ACYP1: variants seen among roughly 807,000 people sequenced by gnomAD.
ACYP1 encodes acylphosphatase 1.
A neutral mutation model predicts 10.4 loss-of-function variants in ACYP1; 8 were observed. The observed-to-expected ratio is 0.77, with a 90% CI of 0.45 to 1.38. ACYP1 has a LOEUF of 1.38. Ranked by LOEUF, ACYP1 falls within the 40% of genes most tolerant of loss-of-function variation. The pLI is 0.00. For missense variants in ACYP1, 93 were observed against 117.3 expected, an observed-to-expected ratio of 0.79 and a Z score of 0.96; for synonymous variants, 38 against 40.8, an observed-to-expected ratio of 0.93 and a Z score of 0.26.
At chr14:75,066,623 T>C (rs1893146366), upstream of ACYP1, among the ~76,000 whole-genome samples, 2 of 152,274 alleles carry the variant, frequency 1.3e-5, no homozygotes, top group African/African-American at 4.8e-5. Flanking sequence ...CCCAGCACTT[T>C]GGGAGGCTAA....
At chr14:75,062,043 G>C (rs1172572045) in intron 2 of ACYP1, among the ~76,000 whole-genome samples, 3 of 146,790 alleles carry the variant, frequency 2.0e-5, no homozygotes, top group African/African-American at 7.7e-5. Context: ...GGACGTTGCG[G>C]TGAGCTGAGA....
chr14:75,063,971 C>T lies in ACYP1; in HGVS notation c.-26G>A. On this transcript the variant is annotated 5_prime_UTR_variant, in exon 1 of 3. In the 5' UTR this introduces an upstream ATG that the reference lacks. Coordinates refer to ENST00000238618, the MANE Select transcript of ACYP1 (RefSeq NM_001107.5). ...CGGCTCACCCTCCTTGTCTTCCCCA[C>T]CGGCTGCCAGGATCACTCCGGGACC... 1 of 997,416 alleles carries T rather than the reference C, an allele frequency of 1.0e-6. No homozygotes were observed. Among genetic ancestry groups the T allele is most frequent in the South Asian group, 4.3e-5 (1 of 23,026 alleles). The allele number at this position is 997,416 out of a possible 1,614,324, so 61.8% of individuals were successfully genotyped here. A position where few individuals can be genotyped will look rare whatever the true frequency, so the allele number is the denominator to read the frequency against.
chr14:75,055,720 T>C (rs1415897917), intron 2 of ACYP1, among the ~76,000 whole-genome samples: 1 of 151,408 alleles, frequency 6.6e-6, no homozygotes, highest in African/African-American at 2.4e-5. Flanking sequence ...CACCTTAGGA[T>C]ACTAGAAAAA....
intron 2 of ACYP1, among the ~76,000 whole-genome samples, chr14:75,062,325 G>C (rs530689768): frequency 6.6e-6 from 1 of 151,472 alleles, no homozygotes; most frequent in Admixed American, 6.6e-5. Context: ...CAGCTACTTG[G>C]GAGGCTGAGG....
rs1406150205 is a variant in ACYP1, at chr14:75,063,993, G to A, written c.-48C>T. 3.0e-5 allele frequency: 30 copies of A among 992,036 alleles called. No individual in the cohort carries two copies. The highest frequency in any genetic ancestry group is 3.2e-5 in the Non-Finnish European group (27 of 833,654). The allele number at this position is 992,036 out of a possible 1,614,324, so 61.5% of individuals were successfully genotyped here. A position where few individuals can be genotyped will look rare whatever the true frequency, so the allele number is the denominator to read the frequency against. ...CCACCGGCTGCCAGGATCACTCCGG[G>A]ACCACCACGCCAACGGCTCACCAAG... On this transcript the variant is annotated 5_prime_UTR_variant, in exon 1 of 3. Transcript: ENST00000238618.
At chr14:75,054,403 C>T (rs1021673675) in intron 2 of ACYP1, among the ~76,000 whole-genome samples, 6 of 151,576 alleles carry the variant, frequency 4.0e-5, no homozygotes, top group Admixed American at 3.3e-4. Context: ...CTAATCATTA[C>T]AGTGTCTTAT....
rs1416392540 is a variant in ACYP1, at chr14:75,064,008, G to A, written c.-63C>T. On this transcript the variant is annotated 5_prime_UTR_variant, in exon 1 of 3. Transcript: ENST00000238618. ...ATCACTCCGGGACCACCACGCCAAC[G>A]GCTCACCAAGGCGCGCAAACCTCCG... The A allele has an allele frequency of 2.0e-6, 2 of 988,832 alleles. No individual in the cohort carries two copies. The highest frequency in any genetic ancestry group is 2.4e-6 in the Non-Finnish European group (2 of 831,872). The allele number at this position is 988,832 out of a possible 1,614,324, so 61.3% of individuals were successfully genotyped here.
chr14:75,069,213 G>C (rs1172957448), exon 1 of ACYP1: 1 of 1,514,940 alleles, frequency 6.6e-7, no homozygotes. Flanking sequence ...GCCATACCTG[G>C]GGCCCGCCCA....
chr14:75,068,450 G>A (rs72736204), upstream of ACYP1, among the ~76,000 whole-genome samples: 7,110 of 152,110 alleles, frequency 0.047, 192 homozygotes, highest in African/African-American at 0.054. Context: ...TCAATGGAAA[G>A]TCGCCCTTCT....
At chr14:75,062,006 T>A (rs920811973) in intron 2 of ACYP1, among the ~76,000 whole-genome samples, 4 of 137,066 alleles carry the variant, frequency 2.9e-5, no homozygotes, top group Admixed American at 2.5e-4. Flanking sequence ...GAAGCTGAAG[T>A]AGGAGAAACG....
chr14:75,053,829 A>G (rs115052318), intron 2 of ACYP1, among the ~76,000 whole-genome samples, 170 bp from the exon 3 acceptor site: 4,167 of 152,346 alleles, frequency 0.027, 218 homozygotes, highest in African/African-American at 0.095. Context: ...TTATCTTCAC[A>G]TGAAGTATTG....
Position 75,053,667 on chromosome 14 carries a change from G to T in ACYP1, c.85-8C>A, listed in dbSNP as rs765691443. 9.9e-6 allele frequency: 16 copies of T among 1,612,282 alleles called. No homozygotes were observed. Among genetic ancestry groups the T allele is most frequent in the Admixed American group, 5.0e-5 (3 of 59,924 alleles). On this transcript the variant is annotated splice_region_variant and splice_polypyrimidine_tract_variant and intron_variant, in intron 2 of 2. Transcript: ENST00000238618. ...CAGCTTTTTACCCTCAGCCTAAGGG[G>T]GGTAAAAAGAGAGAGAGATCCAGTG... is the stretch of plus-strand genomic sequence containing the variant.
chr14:75,061,611 A>T, intron 2 of ACYP1: 2 of 1,082,812 alleles, frequency 1.8e-6, no homozygotes, highest in Non-Finnish European at 2.7e-6. Flanking sequence ...CCACTATCTG[A>T]CCCTTTTCCC....
At chr14:75,060,391 C>T (rs1892987377) in intron 2 of ACYP1, 1 of 532,692 alleles carries the variant, frequency 1.9e-6, no homozygotes, top group Non-Finnish European at 3.3e-6. Context: ...CCAGTGAGAA[C>T]ATAATATGGT....
intron 2 of ACYP1, among the ~76,000 whole-genome samples, chr14:75,057,852 C>G (rs1250192360): frequency 6.8e-6 from 1 of 147,536 alleles, no homozygotes; most frequent in Non-Finnish European, 1.5e-5. Context: ...GTAATCCCAG[C>G]TACTCAGGAG....
At chr14:75,060,724 A>G (rs569297593) in intron 2 of ACYP1, among the ~76,000 whole-genome samples, 1 of 152,304 alleles carries the variant, frequency 6.6e-6, no homozygotes, top group South Asian at 2.1e-4. Context: ...AAGTGAAAGG[A>G]GCCAGTCACA....
chr14:75,061,101 C>A (rs10149491), intron 2 of ACYP1, among the ~76,000 whole-genome samples: 69,176 of 151,566 alleles, frequency 0.46, 16,883 homozygotes, highest in East Asian at 0.84. Context: ...ACAACAACAA[C>A]AATCTAGAAT....
intron 2 of ACYP1, among the ~76,000 whole-genome samples, chr14:75,055,472 T>C (rs1054865321): frequency 6.6e-6 from 1 of 151,418 alleles, no homozygotes; most frequent in African/African-American, 2.4e-5. Context: ...TTCATTTGTG[T>C]GCTCAACTCT....
intron 1 of ACYP1, 53 bp from the exon 2 acceptor site, chr14:75,063,614 C>T (rs1893084516): frequency 6.7e-7 from 1 of 1,493,584 alleles, no homozygotes; most frequent in Non-Finnish European, 9.3e-7. Context: ...CCAGGACCCG[C>T]AAGCCTGAGT....
Sources: allele counts gnomAD v4.1 joint callset (sites outside exome capture counted in the v4.1 genomes callset), GRCh38; gene constraint gnomAD v4.1.1; transcripts MANE v1.5; gene names NCBI Gene and HGNC (gene_info 2026-07-23, HGNC 2026-07-21).